Variants in UGT1A5 observed in about 807,000 individuals in gnomAD.
The protein encoded by UGT1A5 is UDP-glucuronosyltransferase 1A5.
Under a neutral mutation model 40.3 loss-of-function variants are expected in UGT1A5, and 29 were observed. The observed-to-expected ratio is 0.72, with a 90% CI of 0.54 to 0.98. UGT1A5 has a LOEUF of 0.98. Among genes scored for constraint, UGT1A5 ranks in the 50% least tolerant of loss-of-function variants. The pLI is 0.00. For missense variants in UGT1A5, 678 were observed against 677.9 expected (o/e 1.00, Z 0.00); for synonymous variants, 257 against 262.5 (o/e 0.98, Z 0.20).
chr2:233,729,125 A>G lies in UGT1A5; in HGVS notation c.867+15267A>G, dbSNP rs760047362. On this transcript the variant is annotated intron_variant, in intron 1 of 4. Transcript: ENST00000373414. ...AGTCAGCTGTCCGTGTCTTCTGCTG[A>G]GATGGCCACAGGACTCCAGGTTCCC... 5 of 1,613,014 alleles carry G rather than the reference A, an allele frequency of 3.1e-6. No individual in the cohort carries two copies. The African/African-American group carries it at 6.7e-5, about 22-fold the overall frequency.
rs1333399571 is a variant in UGT1A5 at position 233,769,871 on chromosome 2, A to AT, written c.1307+1432_1307+1433insT. 8.6e-6 allele frequency: 4 copies of AT among 463,518 alleles called. No individual in the cohort carries two copies. Among genetic ancestry groups the AT allele is most frequent in the Non-Finnish European group, 1.5e-5 (4 of 275,572 alleles). The allele number at this position is 463,518 out of a possible 1,614,324, so 28.7% of individuals were successfully genotyped here. A position where few individuals can be genotyped will look rare whatever the true frequency, so the allele number is the denominator to read the frequency against. Reference sequence around the variant, plus strand: ...AGACCCTGTCTCAAAAAAAAAAAAAAAAATGAAAAGTCCACATAACCTGAG... The same window carrying AT: ...AGACCCTGTCTCAAAAAAAAAAAAAATAAATGAAAAGTCCACATAACCTGAG... On this transcript the variant is annotated intron_variant, in intron 4 of 4. Transcript: ENST00000373414. The surrounding 1 kb of genome is among the most constrained non-coding windows in gnomAD (Gnocchi z 4.4).
chr2:233,724,246 C>T (rs1219453844), intron 1 of UGT1A5, among the ~76,000 whole-genome samples: 28 of 121,870 alleles, frequency 2.3e-4, no homozygotes, highest in African/African-American at 8.0e-4. Context: ...CGGGCAGAGG[C>T]GCCCCTCACC....
At chr2:233,717,819 G>T in intron 1 of UGT1A5, 1 of 455,582 alleles carries the variant, frequency 2.2e-6, no homozygotes, top group Non-Finnish European at 4.4e-6. Flanking sequence ...TATGCAGCCC[G>T]TTCTGTTCTG....
chr2:233,729,266 T>A (rs6431625), intron 1 of UGT1A5: 2 of 1,613,820 alleles, frequency 1.2e-6, no homozygotes, highest in East Asian at 4.5e-5. Context: ...ATGCGGGAGG[T>A]CTTGCGGGAG....
At chr2:233,736,248 A>G (rs2078745941) in intron 1 of UGT1A5, among the ~76,000 whole-genome samples, 1 of 151,866 alleles carries the variant, frequency 6.6e-6, no homozygotes, top group Non-Finnish European at 1.5e-5. Context: ...TTCTCACTTT[A>G]TTTCATTAAT....
chr2:233,769,913 C>T lies in UGT1A5; in HGVS notation c.1307+1474C>T, dbSNP rs1699980310. 1.3e-5 allele frequency: 4 copies of T among 297,694 alleles called. No homozygotes were observed. The highest frequency in any genetic ancestry group is 6.9e-5 in the East Asian group (1 of 14,586). 18.4% of individuals were successfully genotyped at this position (297,694 alleles called of 1,614,324 possible). ...TAACCTGAGCATCATGTGCCCAGAG[C>T]GTTGGGTGGTGTGGTCCCATTCCTT... On this transcript the variant is annotated intron_variant, in intron 4 of 4. Transcript: ENST00000373414. The surrounding 1 kb of genome is among the most constrained non-coding windows in gnomAD (Gnocchi z 4.4).
At chr2:233,757,471 C>G (rs1223832347) in intron 1 of UGT1A5, among the ~76,000 whole-genome samples, 8 of 147,498 alleles carry the variant, frequency 5.4e-5, no homozygotes, top group African/African-American at 1.5e-4. Context: ...CTTACTGTCT[C>G]CAAAACCATG....
intron 1 of UGT1A5, among the ~76,000 whole-genome samples, chr2:233,723,358 C>T (rs1313054035): frequency 2.4e-4 from 30 of 124,194 alleles, no homozygotes; most frequent in African/African-American, 9.2e-4. Flanking sequence ...TACAGGCACA[C>T]GTCACCACAC....
intron 1 of UGT1A5, among the ~76,000 whole-genome samples, chr2:233,724,182 C>A (rs1411199563): frequency 3.3e-5 from 4 of 119,646 alleles, no homozygotes; most frequent in African/African-American, 7.6e-5. Flanking sequence ...ATCTCCCTCC[C>A]GGACGGGGTG....
chr2:233,757,535 A>AATATATATATAT (rs67292694), intron 1 of UGT1A5, among the ~76,000 whole-genome samples: 911 of 88,202 alleles, frequency 0.01, 30 homozygotes, highest in Middle Eastern at 0.029. Context: ...GCCTGTAAGG[A>AATATATATATAT]ATATATATAT....
At chr2:233,752,692 C>T (rs973009345) in intron 1 of UGT1A5, 1 of 152,166 alleles carries the variant, frequency 6.6e-6, no homozygotes, top group African/African-American at 2.4e-5. Flanking sequence ...TTCATGTTTA[C>T]TAGTGGGGTA....
intron 1 of UGT1A5, among the ~76,000 whole-genome samples, chr2:233,759,343 G>T (rs548174363): frequency 1.3e-5 from 2 of 152,096 alleles, no homozygotes; most frequent in Non-Finnish European, 1.5e-5. Context: ...TCAGGTGAGC[G>T]CTGAAAATCT....
At chr2:233,735,705 G>A (rs1237070783) in intron 1 of UGT1A5, among the ~76,000 whole-genome samples, 2 of 151,900 alleles carry the variant, frequency 1.3e-5, no homozygotes, top group African/African-American at 2.4e-5. Flanking sequence ...GGCAGGCCTG[G>A]TGGTGACAAA....
intron 1 of UGT1A5, chr2:233,718,913 G>T (rs2076699236): frequency 6.2e-7 from 1 of 1,613,958 alleles, no homozygotes; most frequent in African/African-American, 1.3e-5. Context: ...GTGGAAAGGT[G>T]TTGGTGGTGC....
At chr2:233,772,231 C>G (rs2126066106) in intron 4 of UGT1A5, 31 bp from the exon 5 acceptor site, 1 of 1,613,718 alleles carries the variant, frequency 6.2e-7, no homozygotes, top group Non-Finnish European at 8.5e-7. Context: ...CACAGGTGTT[C>G]CAGGCATAAC....
intron 1 of UGT1A5, chr2:233,747,131 T>C: frequency 6.5e-7 from 1 of 1,533,260 alleles, no homozygotes; most frequent in Non-Finnish European, 8.8e-7. Flanking sequence ...AGTGGCTCAG[T>C]GACAAGGTAA....
chr2:233,729,968 G>C (rs201755757), intron 1 of UGT1A5: 1 of 1,614,008 alleles, frequency 6.2e-7, no homozygotes. Context: ...GGCATCAACT[G>C]TGCCAACAGG....
chr2:233,760,524 C>T (rs2125985415), intron 1 of UGT1A5: 1 of 1,614,240 alleles, frequency 6.2e-7, no homozygotes, highest in Non-Finnish European at 8.5e-7. Context: ...TGAAGACGTA[C>T]CCTGTGCCAT....
At chr2:233,763,561 T>A (rs1698343622) in intron 1 of UGT1A5, among the ~76,000 whole-genome samples, 1 of 152,248 alleles carries the variant, frequency 6.6e-6, no homozygotes, top group Admixed American at 6.5e-5. Context: ...GTCAAGTTAC[T>A]GTTCTTATTT....
Sources: allele counts gnomAD v4.1 joint callset (sites outside exome capture counted in the v4.1 genomes callset), GRCh38; gene constraint gnomAD v4.1.1; non-coding constraint Gnocchi (gnomAD v3.1); transcripts MANE v1.5; gene names NCBI Gene and HGNC (gene_info 2026-07-23, HGNC 2026-07-21).